The following PEX13 variants were observed in gnomAD, a reference collection of about 807,000 sequenced individuals.
PEX13 encodes peroxisomal biogenesis factor 13.
In PEX13, 28 loss-of-function variants were observed where a neutral mutation model predicts 34.5. That is an observed-to-expected ratio of 0.81 (90% CI 0.60 to 1.11). The LOEUF is 1.11. PEX13 is among the 50% of genes most tolerant of loss of function. The pLI, the probability that PEX13 is intolerant of heterozygous loss-of-function variation, is 0.00. For synonymous variants in PEX13, 177 were observed against 175.1 expected (o/e 1.01, Z -0.09); for missense variants, 550 against 491.0 (o/e 1.12, Z -1.13).
chr2:61,029,523 G>T (rs949402512), intron 1 of PEX13, among the ~76,000 whole-genome samples: 1 of 152,144 alleles, frequency 6.6e-6, no homozygotes, highest in Non-Finnish European at 1.5e-5. Context: ...AGCATTATTT[G>T]TAATAGCCAA....
At chr2:61,031,306 A>C in intron 1 of PEX13, 113 bp from the exon 2 acceptor site, 1 of 789,406 alleles carries the variant, frequency 1.3e-6, no homozygotes. Context: ...TCAATTAATC[A>C]GTCTTCAGTA....
chr2:61,046,149 A>C (rs931229907), intron 3 of PEX13, among the ~76,000 whole-genome samples: 2 of 152,242 alleles, frequency 1.3e-5, no homozygotes, highest in African/African-American at 4.8e-5. Flanking sequence ...ACGTGATGTC[A>C]GTAACTAAAC....
In PEX13 at chr2:61,017,824, C is replaced by T. The variant is rs1189952325; in HGVS notation, c.65C>T (p.Pro22Leu). Reference protein sequence around the residue: ...WETRRIPGAGPGPGPGPTFQS... With the variant: ...WETRRIPGAGLGPGPGPTFQS... ...ACCCGCCGAATTCCGGGAGCCGGACCGGGACCAGGACCGGGCCCCACTTTC... is the reference window on the plus strand; with the variant it reads ...ACCCGCCGAATTCCGGGAGCCGGACTGGGACCAGGACCGGGCCCCACTTTC... Residue 22 changes from proline to leucine, a missense_variant, in exon 1 of 4, where the codon CCG becomes CTG. By Grantham distance (98) the Pro-to-Leu change is moderately conservative. Transcript: ENST00000295030. The T allele has an allele frequency of 1.4e-5, 21 of 1,550,516 alleles. No individual in the cohort carries two copies. Among genetic ancestry groups the T allele is most frequent in the Non-Finnish European group, 1.7e-5 (20 of 1,146,782 alleles).
At position 61,051,683 on chromosome 2, in the gene PEX13, A is replaced by G. The variant is rs761549821; in HGVS notation, c.*2913A>G. ...ACTTTACAGAAATTACTAACACACCAAAACATTATTAATTAAATAAAATAT... is the reference window on the plus strand; with the variant it reads ...ACTTTACAGAAATTACTAACACACCGAAACATTATTAATTAAATAAAATAT... On this transcript the variant is annotated 3_prime_UTR_variant, in exon 4 of 4. Coordinates refer to ENST00000295030, the MANE Select transcript of PEX13 (RefSeq NM_002618.4). 7.2e-5 allele frequency: 11 copies of G among 152,234 alleles called. No homozygotes were observed. The highest frequency in any genetic ancestry group is 1.5e-4 in the Non-Finnish European group (10 of 68,040). The allele number at this position is 152,234 out of a possible 1,614,324, so 9.4% of individuals were successfully genotyped here. A position where few individuals can be genotyped will look rare whatever the true frequency, so the allele number is the denominator to read the frequency against.
chr2:61,023,922 G>A (rs569362513), intron 1 of PEX13, among the ~76,000 whole-genome samples: 2 of 151,918 alleles, frequency 1.3e-5, no homozygotes, highest in East Asian at 1.9e-4. Context: ...TCAGCCTCCC[G>A]AGTGGCTGGG....
chr2:61,018,153 C>T, intron 1 of PEX13: 1 of 1,550,692 alleles, frequency 6.4e-7, no homozygotes. Context: ...TCTGTTTTCA[C>T]TTTGACAGAA....
intron 2 of PEX13, among the ~76,000 whole-genome samples, chr2:61,041,141 C>T (rs1455257927): frequency 2.0e-5 from 3 of 152,018 alleles, no homozygotes; most frequent in African/African-American, 2.4e-5. Flanking sequence ...CCAGCCTGTG[C>T]GGCATAGGGA....
At chr2:61,047,146 G>A (rs1371157452) in intron 3 of PEX13, among the ~76,000 whole-genome samples, 2 of 151,680 alleles carry the variant, frequency 1.3e-5, no homozygotes, top group East Asian at 3.9e-4. Flanking sequence ...TATTCTATTT[G>A]TATTTTTCTT....
chr2:61,024,741 T>C (rs1680322943), intron 1 of PEX13, among the ~76,000 whole-genome samples: 1 of 152,046 alleles, frequency 6.6e-6, no homozygotes, highest in African/African-American at 2.4e-5. Flanking sequence ...CCCAGGAGGC[T>C]GAGCTTGCAG....
intron 1 of PEX13, chr2:61,018,815 T>C (rs1048078972): frequency 2.0e-5 from 3 of 152,378 alleles, no homozygotes; most frequent in Non-Finnish European, 4.4e-5. Context: ...CATTATCTGC[T>C]ACCTTTTTTT....
chr2:61,032,829 A>C (rs1680474371), intron 2 of PEX13, among the ~76,000 whole-genome samples: 1 of 152,212 alleles, frequency 6.6e-6, no homozygotes, highest in South Asian at 2.1e-4. Context: ...TTAGATAAAG[A>C]AACAAAAACT....
Position 61,031,679 on chromosome 2 carries a change from T to A in PEX13, c.353T>A (p.Phe118Tyr), listed in dbSNP as rs749542687. 2.5e-5 allele frequency: 40 copies of A among 1,614,056 alleles called. No homozygotes were observed. Among genetic ancestry groups the A allele is most frequent in the Admixed American group, 2.0e-4 (12 of 59,998 alleles). Residue 118 changes from phenylalanine to tyrosine, a missense_variant, in exon 2 of 4, where the codon TTT (phenylalanine) becomes TAT (tyrosine). Physicochemically the swap from Phe to Tyr is conservative, Grantham distance 22. Coordinates refer to ENST00000295030, the MANE Select transcript of PEX13 (RefSeq NM_002618.4). ...GTAGATGATCTTCCACCCAGTAGATTTGTTCAGCAAGCTGAAGAAAGCAGC... is the reference window on the plus strand; with the variant it reads ...GTAGATGATCTTCCACCCAGTAGATATGTTCAGCAAGCTGAAGAAAGCAGC... Reference protein sequence around the residue: ...LRVDDLPPSRFVQQAEESSRG... With the variant: ...LRVDDLPPSRYVQQAEESSRG...
At chr2:61,032,465 A>C (rs1435560135) in intron 2 of PEX13, among the ~76,000 whole-genome samples, 1 of 152,238 alleles carries the variant, frequency 6.6e-6, no homozygotes, top group East Asian at 1.9e-4. Flanking sequence ...AAATATAACA[A>C]TTGGGGAGAG....
At chr2:61,042,428 GAAA>G in intron 2 of PEX13, among the ~76,000 whole-genome samples, 1 of 151,794 alleles carries the variant, frequency 6.6e-6, no homozygotes, top group Non-Finnish European at 1.5e-5. Context: ...TGACACACAA[GAAA>G]AAAGTGTACT....
Position 61,017,743 on chromosome 2 carries a change from G to T in PEX13, c.-17G>T, listed in dbSNP as rs1313224138. On this transcript the variant is annotated 5_prime_UTR_variant, in exon 1 of 4. Coordinates refer to ENST00000295030, the MANE Select transcript of PEX13 (RefSeq NM_002618.4). The stretch of plus-strand genomic sequence containing the variant: ...ACAGTCAGGGGTAGGAGCGGGAGCC[G>T]AGAGGAGGCGGAGGAGATGGCGTCC... 1.9e-6 allele frequency: 3 copies of T among 1,547,102 alleles called. No homozygotes were observed. The highest frequency in any genetic ancestry group is 2.6e-6 in the Non-Finnish European group (3 of 1,145,012).
chr2:61,032,294 G>A (rs988501238), intron 2 of PEX13, among the ~76,000 whole-genome samples, 181 bp downstream of exon 2: 3 of 152,148 alleles, frequency 2.0e-5, no homozygotes, highest in Admixed American at 2.0e-4. Flanking sequence ...TTAGTTTATT[G>A]TTCAGTTTAA....
chr2:61,046,015 A>G (rs144793657), intron 3 of PEX13, among the ~76,000 whole-genome samples, 164 bp downstream of exon 3: 2 of 152,358 alleles, frequency 1.3e-5, no homozygotes, highest in African/African-American at 2.4e-5. Flanking sequence ...TGGAGGAGTC[A>G]GGAAGAAATG....
chr2:61,022,324 G>A (rs963622782), intron 1 of PEX13, among the ~76,000 whole-genome samples: 6 of 152,202 alleles, frequency 3.9e-5, no homozygotes, highest in African/African-American at 1.4e-4. Context: ...ACAGTGTAGA[G>A]AAGACCTTAA....
At chr2:61,045,907 A>C (rs977807676) in intron 3 of PEX13, 56 bp downstream of exon 3, 16 of 1,401,236 alleles carry the variant, frequency 1.1e-5, no homozygotes, top group Non-Finnish European at 1.6e-5. Context: ...TCATAAATGC[A>C]GTATTAAAAA....
Sources: allele counts gnomAD v4.1 joint callset (sites outside exome capture counted in the v4.1 genomes callset), GRCh38; gene constraint gnomAD v4.1.1; transcripts MANE v1.5; gene names NCBI Gene and HGNC (gene_info 2026-07-23, HGNC 2026-07-21).